The following PTPRD variants were observed in gnomAD, a reference collection of about 807,000 sequenced individuals.
The protein encoded by PTPRD is protein tyrosine phosphatase receptor type D, also known as receptor-type tyrosine-protein phosphatase delta.
A neutral mutation model predicts 214.5 loss-of-function variants in PTPRD; 34 were observed. The observed-to-expected ratio is 0.16, with a 90% confidence interval of 0.12 to 0.21. The LOEUF (loss-of-function observed/expected upper bound fraction) is 0.21, where lower values mean the gene tolerates loss of function less well. Among genes scored for constraint, PTPRD ranks in the 10% least tolerant of loss-of-function variants. PTPRD has a pLI of 1.00. For synonymous variants in PTPRD, 1,128 were observed against 845.7 expected (o/e 1.33, Z -5.79); for missense variants, 2,545 against 2,398.7 (o/e 1.06, Z -1.27).
At chr9:10,513,831 A>T (rs1227833000) in intron 2 of PTPRD, among the ~76,000 whole-genome samples, 1 of 152,140 alleles carries the variant, frequency 6.6e-6, no homozygotes, top group African/African-American at 2.4e-5. Context: ...ATCACTGGGG[A>T]TTCTTTTTAA....
At chr9:9,073,179 T>C (rs2099746330) in intron 10 of PTPRD, among the ~76,000 whole-genome samples, 1 of 152,206 alleles carries the variant, frequency 6.6e-6, no homozygotes, top group East Asian at 1.9e-4. Context: ...AGAATCTAAC[T>C]TGAACTCAGA....
At chr9:8,733,436 CAATGTTT>C (rs2098681862) in intron 12 of PTPRD, among the ~76,000 whole-genome samples, 1 of 152,092 alleles carries the variant, frequency 6.6e-6, no homozygotes, top group African/African-American at 2.4e-5. Flanking sequence ...TGGGTCTGAA[CAATGTTT>C]ACTTATTGGC....
At chr9:10,565,642 T>G (rs1159433302) in intron 2 of PTPRD, among the ~76,000 whole-genome samples, 2 of 152,096 alleles carry the variant, frequency 1.3e-5, no homozygotes, top group African/African-American at 4.8e-5. Flanking sequence ...ACATCAGCAG[T>G]AACCAGGCTT....
chr9:9,795,113 T>C (rs2098993740), intron 5 of PTPRD, among the ~76,000 whole-genome samples: 1 of 152,234 alleles, frequency 6.6e-6, no homozygotes, highest in Non-Finnish European at 1.5e-5. Context: ...AACGTGAGAA[T>C]ACTTTAACTA....
chr9:8,881,636 G>A (rs1448757737), intron 11 of PTPRD, among the ~76,000 whole-genome samples: 1 of 152,214 alleles, frequency 6.6e-6, no homozygotes, highest in East Asian at 1.9e-4. Flanking sequence ...TGGAAGCATA[G>A]TATAGTGGAA....
At chr9:9,028,086 G>A (rs568518600) in intron 10 of PTPRD, among the ~76,000 whole-genome samples, 76 of 151,992 alleles carry the variant, frequency 5.0e-4, no homozygotes, top group African/African-American at 1.6e-3. Context: ...ATTTGCCACA[G>A]CCTTTCAACA....
At chr9:9,052,654 A>C (rs2099688470) in intron 10 of PTPRD, among the ~76,000 whole-genome samples, 1 of 152,196 alleles carries the variant, frequency 6.6e-6, no homozygotes, top group Non-Finnish European at 1.5e-5. Context: ...CCATTCTGTT[A>C]CATAGCGTCT....
intron 3 of PTPRD, among the ~76,000 whole-genome samples, chr9:10,300,195 G>C (rs546449602): frequency 6.6e-6 from 1 of 152,196 alleles, no homozygotes; most frequent in East Asian, 1.9e-4. Flanking sequence ...ATAGTTTATA[G>C]TTAAAATTCT....
chr9:10,146,278 T>G (rs1202109637), intron 3 of PTPRD, among the ~76,000 whole-genome samples: 1 of 151,996 alleles, frequency 6.6e-6, no homozygotes. Context: ...CATACATAAA[T>G]TTATTCAATG....
chr9:10,024,822 T>A (rs1412914170), intron 4 of PTPRD, among the ~76,000 whole-genome samples: 4 of 125,478 alleles, frequency 3.2e-5, no homozygotes, highest in African/African-American at 1.2e-4. Flanking sequence ...GATGTTCCCC[T>A]TCCTGTGTCC....
chr9:9,865,102 A>G (rs539028628), intron 5 of PTPRD, among the ~76,000 whole-genome samples: 20 of 152,282 alleles, frequency 1.3e-4, no homozygotes, highest in African/African-American at 4.8e-4. Context: ...ACTGTTTCTA[A>G]AAGATCATAG....
Position 10,309,518 on chromosome 9 carries a change from ATTTC to A in PTPRD, c.-545+31441_-545+31444del, listed in dbSNP as rs765343574. On this transcript the variant is annotated intron_variant, in intron 3 of 45. Transcript: ENST00000381196. ...CAGGCATGCACCACCACATCCAGCT[ATTTC>A]TTTTTTTTTTTTTTGTATTTTTAGT... is the stretch of plus-strand genomic sequence containing the variant. 4.6e-3 allele frequency among the ~76,000 whole-genome samples: 568 copies of A among 123,424 alleles called. 8 individuals are homozygous for A. Among genetic ancestry groups the A allele is most frequent in the South Asian group, 0.028 (108 of 3,874 alleles). 81.0% of individuals were successfully genotyped at this position (123,424 alleles called of 152,430 possible). A position where few individuals can be genotyped will look rare whatever the true frequency, so the allele number is the denominator to read the frequency against.
intron 5 of PTPRD, among the ~76,000 whole-genome samples, chr9:9,774,727 T>A (rs1434186795): frequency 2.0e-5 from 3 of 152,164 alleles, no homozygotes; most frequent in East Asian, 1.9e-4. Flanking sequence ...GTTATTTTTT[T>A]AAAAAAGATT....
chr9:9,704,088 C>CT (rs1409247103), intron 7 of PTPRD, among the ~76,000 whole-genome samples: 1 of 55,016 alleles, frequency 1.8e-5, no homozygotes, highest in Non-Finnish European at 3.0e-5. Context: ...TTCTGTAAGA[C>CT]CCTGAAACCA....
intron 4 of PTPRD, among the ~76,000 whole-genome samples, chr9:9,960,642 C>T (rs540720972): frequency 5.9e-4 from 89 of 152,088 alleles, no homozygotes; most frequent in Non-Finnish European, 8.7e-4. Flanking sequence ...CTTAATCTTA[C>T]GTAGAGAAAA....
At chr9:10,004,459 C>G (rs1486647516) in intron 4 of PTPRD, among the ~76,000 whole-genome samples, 1 of 151,954 alleles carries the variant, frequency 6.6e-6, no homozygotes, top group Non-Finnish European at 1.5e-5. Flanking sequence ...TAATTCACAT[C>G]ATTTTCTTTT....
intron 14 of PTPRD, among the ~76,000 whole-genome samples, chr9:8,626,993 T>C (rs970376377): frequency 1.3e-5 from 2 of 151,776 alleles, no homozygotes; most frequent in African/African-American, 4.8e-5. Context: ...AGTGATTTCC[T>C]CCCTAAGCCA....
At chr9:9,253,237 AT>A (rs1016254569) in intron 9 of PTPRD, among the ~76,000 whole-genome samples, 2 of 152,040 alleles carry the variant, frequency 1.3e-5, no homozygotes, top group Admixed American at 1.3e-4. Context: ...CATGATATCT[AT>A]TTTTTTGGCT....
chr9:8,331,000 G>GCTATTTATTT (rs899371435), intron 44 of PTPRD, among the ~76,000 whole-genome samples: 18 of 150,438 alleles, frequency 1.2e-4, no homozygotes, highest in Admixed American at 2.6e-4. Context: ...CTATTTACTT[G>GCTATTTATTT]CTATTTATTT....
Sources: gnomAD v4.1 joint callset for allele counts (sites outside exome capture counted in the v4.1 genomes callset) on GRCh38, gnomAD v4.1.1 for gene constraint, MANE v1.5 for transcripts, NCBI Gene and HGNC (gene_info 2026-07-23, HGNC 2026-07-21) for gene names.